Variants in DNMT3B observed in about 807,000 individuals in gnomAD.
DNMT3B encodes DNA (cytosine-5)-methyltransferase 3B.
In DNMT3B, 37 loss-of-function variants were observed where a neutral mutation model predicts 120.2. That is an observed-to-expected ratio of 0.31 (90% CI 0.24 to 0.40). The LOEUF is 0.40. DNMT3B is among the 10% of genes least tolerant of loss of function. The pLI is 1.00. For missense variants in DNMT3B, 878 were observed against 1,137.3 expected (o/e 0.77, Z 3.28); for synonymous variants, 412 against 442.8 (o/e 0.93, Z 0.87).
In DNMT3B at chr20:32,795,713, C is replaced by G. The variant is rs1980538464; in HGVS notation, c.1297+19C>G. On this transcript the variant is annotated intron_variant, in intron 12 of 22. Coordinates refer to ENST00000328111, the MANE Select transcript of DNMT3B (RefSeq NM_006892.4). ...CTGGAAGGTAACGTTCTCTCCCTCC[C>G]AGTCATCCCCCTCACACCCTGGCTA... The G allele has an allele frequency of 1.9e-6, 3 of 1,613,860 alleles. No homozygotes were observed. The African/African-American group carries it at 4.0e-5, about 22-fold the overall frequency.
chr20:32,792,509 C>T (rs1294088354), intron 8 of DNMT3B, 117 bp from the exon 9 acceptor site: 9 of 1,562,428 alleles, frequency 5.8e-6, no homozygotes, highest in South Asian at 3.4e-5. Context: ...AGCTGTCTGG[C>T]TATGAAAGGG....
chr20:32,793,697 A>G (rs1370070280), intron 10 of DNMT3B, 102 bp downstream of exon 10: 7 of 1,352,042 alleles, frequency 5.2e-6, no homozygotes, highest in Non-Finnish European at 6.3e-6. Context: ...AATTTCTTGA[A>G]AAGTCAATCT....
chr20:32,763,353 T>C (rs1306826336), intron 1 of DNMT3B, among the ~76,000 whole-genome samples: 2 of 152,176 alleles, frequency 1.3e-5, no homozygotes, highest in African/African-American at 4.8e-5. Context: ...GCTCCTGAGC[T>C]GAGCCATCAA....
intron 20 of DNMT3B, 107 bp from the exon 21 acceptor site, chr20:32,805,231 T>A: frequency 7.3e-7 from 1 of 1,363,738 alleles, no homozygotes; most frequent in African/African-American, 1.4e-5. Flanking sequence ...TGTAGCCAAG[T>A]TCACTGCCAG....
chr20:32,792,002 CCTT>C (rs1189957303), intron 8 of DNMT3B, among the ~76,000 whole-genome samples: 1 of 152,166 alleles, frequency 6.6e-6, no homozygotes, highest in East Asian at 1.9e-4. Context: ...GACCTCAGAG[CCTT>C]CTTATGAGGG....
At chr20:32,805,572 A>G (rs1041868320) in intron 21 of DNMT3B, among the ~76,000 whole-genome samples, 165 bp downstream of exon 21, 2 of 151,560 alleles carry the variant, frequency 1.3e-5, no homozygotes, top group Non-Finnish European at 2.9e-5. Flanking sequence ...CCTCAAATAC[A>G]GAGACTAGGA....
Position 32,800,823 on chromosome 20 carries a change from T to G in DNMT3B, c.1906-12T>G. Reference sequence around the variant, plus strand: ...TCCACACCCTCATCCTGACTCTGTCTCTCTCTTTCAGATTGAAGAATGGGG... The same window carrying G: ...TCCACACCCTCATCCTGACTCTGTCGCTCTCTTTCAGATTGAAGAATGGGG... On this transcript the variant is annotated splice_polypyrimidine_tract_variant and intron_variant, in intron 17 of 22. Transcript: ENST00000328111. 6.2e-7 allele frequency: 1 copy of G among 1,613,904 alleles called. No homozygotes were observed. Among genetic ancestry groups the G allele is most frequent in the Non-Finnish European group, 8.5e-7 (1 of 1,179,776 alleles).
At chr20:32,783,069 A>G (rs1254662142) in intron 3 of DNMT3B, among the ~76,000 whole-genome samples, 1 of 152,042 alleles carries the variant, frequency 6.6e-6, no homozygotes, top group Non-Finnish European at 1.5e-5. Context: ...GACTACAGGC[A>G]ATGGACCACC....
chr20:32,794,692 G>T (rs1467394371), intron 10 of DNMT3B, among the ~76,000 whole-genome samples: 1 of 152,048 alleles, frequency 6.6e-6, no homozygotes, highest in Non-Finnish European at 1.5e-5. Flanking sequence ...TTTTTTTAGC[G>T]CTAAATTTCC....
At position 32,800,013 on chromosome 20, in the gene DNMT3B, G is replaced by A. The variant is rs191082569; in HGVS notation, c.1760-140G>A. ...AGTTTACACAGCCAATATGTGTGGT[G>A]CGTGTACAGCCTTTGCTGGATTGAA... is the stretch of plus-strand genomic sequence containing the variant. On this transcript the variant is annotated intron_variant, in intron 16 of 22. Coordinates refer to ENST00000328111, the MANE Select transcript of DNMT3B (RefSeq NM_006892.4). 8.0e-6 allele frequency: 10 copies of A among 1,250,786 alleles called. No homozygotes were observed. In the Admixed American group the frequency reaches 1.2e-4, roughly 15 times the overall value. The allele number at this position is 1,250,786 out of a possible 1,614,324, so 77.5% of individuals were successfully genotyped here. A position where few individuals can be genotyped will look rare whatever the true frequency, so the allele number is the denominator to read the frequency against.
In DNMT3B at chr20:32,809,011, A is replaced by T. The variant is rs1982244793; in HGVS notation, c.*1108A>T. The T allele has an allele frequency of 4.6e-6, 1 of 217,288 alleles. No homozygotes were observed. The allele number at this position is 217,288 out of a possible 1,614,324, so 13.5% of individuals were successfully genotyped here. A position where few individuals can be genotyped will look rare whatever the true frequency, so the allele number is the denominator to read the frequency against. On this transcript the variant is annotated 3_prime_UTR_variant, in exon 23 of 23. Coordinates refer to ENST00000328111, the MANE Select transcript of DNMT3B (RefSeq NM_006892.4). The stretch of plus-strand genomic sequence containing the variant: ...AGATTTTTTAATCCTTTTTTATTCC[A>T]TAAGAAGTCGTTTTTAGGGAGAACG...
chr20:32,803,803 G>A (rs1981656907), intron 20 of DNMT3B, among the ~76,000 whole-genome samples: 1 of 152,190 alleles, frequency 6.6e-6, no homozygotes, highest in Non-Finnish European at 1.5e-5. Context: ...GGCTGGGAGA[G>A]AAGGACCAAG....
At chr20:32,765,547 A>T (rs944141873) in intron 1 of DNMT3B, among the ~76,000 whole-genome samples, 1 of 145,742 alleles carries the variant, frequency 6.9e-6, no homozygotes, top group African/African-American at 2.6e-5. Flanking sequence ...CAACCTTCCG[A>T]GTAGCTGGGA....
At chr20:32,791,308 A>T (rs936190724) in intron 7 of DNMT3B, among the ~76,000 whole-genome samples, 1 of 152,230 alleles carries the variant, frequency 6.6e-6, no homozygotes, top group African/African-American at 2.4e-5. Flanking sequence ...TGGAAAATGT[A>T]TACAAACACA....
At position 32,793,543 on chromosome 20, in the gene DNMT3B, TA is replaced by T; in HGVS notation, c.1076del (p.Lys359SerfsTer12). 1 of 1,614,230 alleles carries T rather than the reference TA, an allele frequency of 6.2e-7. No homozygotes were observed. The highest frequency in any genetic ancestry group is 8.5e-7 in the Non-Finnish European group (1 of 1,180,036). ...KPNNTQPVVN[K>X]SKVRRAGSRK... ...TTGTTTTCCCCTCAAAAGTGGTTAA[TA>T]AGTCGAAGGTGCGTCGTGCAGGCAG... On this transcript the variant is annotated frameshift_variant, in exon 10 of 23. Transcript: ENST00000328111. LOFTEE classifies it high-confidence loss of function.
chr20:32,764,043 T>A (rs1987145734), intron 1 of DNMT3B, among the ~76,000 whole-genome samples: 1 of 152,030 alleles, frequency 6.6e-6, no homozygotes, highest in African/African-American at 2.4e-5. Context: ...TGATGGTACT[T>A]AGTTTATAGG....
At chr20:32,779,988 G>C in intron 1 of DNMT3B, 1 of 1,258,756 alleles carries the variant, frequency 7.9e-7, no homozygotes, top group Non-Finnish European at 1.1e-6. Flanking sequence ...GGGACAGGCA[G>C]GTCCTAAATG....
intron 1 of DNMT3B, among the ~76,000 whole-genome samples, chr20:32,765,689 G>A (rs1987297362): frequency 6.7e-6 from 1 of 150,056 alleles, no homozygotes; most frequent in Admixed American, 6.6e-5. Context: ...CCAAAGTGTT[G>A]GGATTGTAGG....
At position 32,799,173 on chromosome 20, in the gene DNMT3B, C is replaced by T. The variant is rs2146035145; in HGVS notation, c.1675-71C>T. 3 of 1,532,310 alleles carry T rather than the reference C, an allele frequency of 2.0e-6. No individual in the cohort carries two copies. In the East Asian group the frequency reaches 7.1e-5, roughly 36 times the overall value. 94.9% of individuals were successfully genotyped at this position (1,532,310 alleles called of 1,614,324 possible). On this transcript the variant is annotated intron_variant, in intron 15 of 22. Transcript: ENST00000328111. Reference sequence around the variant, plus strand: ...TTGAAGCCCTCTGAGCAGGGTCAGCCTGCCCCTCCCTCAGAGCTTGAGTCT... The same window carrying T: ...TTGAAGCCCTCTGAGCAGGGTCAGCTTGCCCCTCCCTCAGAGCTTGAGTCT...
Sources: gnomAD v4.1 joint callset for allele counts (sites outside exome capture counted in the v4.1 genomes callset) on GRCh38, gnomAD v4.1.1 for gene constraint, MANE v1.5 for transcripts, NCBI Gene and HGNC (gene_info 2026-07-23, HGNC 2026-07-21) for gene names.